BEND7: variants seen among roughly 807,000 people sequenced by gnomAD.
BEND7 encodes BEN domain containing 7.
BEND7 carries 28 observed loss-of-function variants against 50.9 expected under a neutral mutation model. The ratio of observed to expected loss-of-function variants is 0.55; its 90% CI spans 0.41 to 0.75. The LOEUF is 0.75. Ranked by LOEUF, BEND7 falls within the 30% of genes least tolerant of loss-of-function variation. The probability of loss-of-function intolerance (pLI) is 0.00; values close to 1 mark genes in which losing one functional copy is unlikely to be tolerated. For missense variants in BEND7, 477 were observed against 491.3 expected, an observed-to-expected ratio of 0.97 and a Z score of 0.28; for synonymous variants, 170 against 183.9, an observed-to-expected ratio of 0.92 and a Z score of 0.61.
intron 4 of BEND7, among the ~76,000 whole-genome samples, chr10:13,495,057 A>T (rs1564362204): frequency 6.6e-6 from 1 of 152,344 alleles, no homozygotes; most frequent in Middle Eastern, 3.4e-3. Flanking sequence ...ATAGATTCTA[A>T]AAAGGCTTCC....
intron 4 of BEND7, among the ~76,000 whole-genome samples, chr10:13,493,782 G>T (rs2076841457): frequency 6.6e-6 from 1 of 152,126 alleles, no homozygotes; most frequent in African/African-American, 2.4e-5. Flanking sequence ...GGAAAACATG[G>T]CATCATTGTT....
chr10:13,475,302 T>C (rs4750368), intron 6 of BEND7, among the ~76,000 whole-genome samples: 101,666 of 152,170 alleles, frequency 0.67, 34,326 homozygotes, highest in East Asian at 0.87. Context: ...AAAATATGAA[T>C]AGGTAAATTA....
chr10:13,522,261 C>T (rs1245757457), intron 2 of BEND7, among the ~76,000 whole-genome samples: 2 of 152,226 alleles, frequency 1.3e-5, no homozygotes, highest in African/African-American at 4.8e-5. Flanking sequence ...TGCATTACTG[C>T]TATGAATAAT....
chr10:13,515,057 T>C (rs1201637237), intron 2 of BEND7, among the ~76,000 whole-genome samples: 4 of 152,242 alleles, frequency 2.6e-5, no homozygotes, highest in East Asian at 1.9e-4. Flanking sequence ...GAGTAACTTA[T>C]GTAGCGTTCC....
chr10:13,502,927 T>C, intron 2 of BEND7: 1 of 985,388 alleles, frequency 1.0e-6, no homozygotes, highest in Non-Finnish European at 1.2e-6. Context: ...AGAAGGGATG[T>C]GTCTCCTGCC....
intron 6 of BEND7, chr10:13,459,618 T>C (rs1186130997): frequency 1.3e-5 from 2 of 152,236 alleles, no homozygotes; most frequent in Non-Finnish European, 2.9e-5. Flanking sequence ...AGTCTTGGAA[T>C]GGGTTCTCAG....
At chr10:13,451,450 G>A (rs1157130824) in intron 7 of BEND7, among the ~76,000 whole-genome samples, 1 of 150,920 alleles carries the variant, frequency 6.6e-6, no homozygotes, top group African/African-American at 2.4e-5. Context: ...TGTTGCCCAG[G>A]CTGGTCTCGA....
At chr10:13,525,687 A>G (rs2079413130) in intron 2 of BEND7, among the ~76,000 whole-genome samples, 2 of 152,222 alleles carry the variant, frequency 1.3e-5, no homozygotes, top group South Asian at 2.1e-4. Context: ...AAGGGACATT[A>G]TAAGACAGCA....
intron 4 of BEND7, among the ~76,000 whole-genome samples, chr10:13,494,415 CAAAACA>C (rs1009345500): frequency 2.0e-5 from 3 of 152,104 alleles, no homozygotes; most frequent in Non-Finnish European, 4.4e-5. Context: ...GACTATGTCT[CAAAACA>C]AAAACAAAAA....
In BEND7 at chr10:13,447,896, G is replaced by A. The variant is rs184537737; in HGVS notation, c.1184-580C>T. 1.2e-3 allele frequency among the ~76,000 whole-genome samples: 189 copies of A among 152,264 alleles called. 1 individual carries two copies. The highest frequency in any genetic ancestry group is 1.9e-3 in the Non-Finnish European group (131 of 68,028). On this transcript the variant is annotated intron_variant, in intron 7 of 8. Transcript: ENST00000466271. ...ATCGAACCAGCATGTGGGGTGAATT[G>A]TTTAAATAGGGTCATCGCGGGGATG... is the stretch of plus-strand genomic sequence containing the variant.
rs75437283 is a variant in BEND7, at chr10:13,478,048, G to A, written c.1063+2851C>T. ...CAGGAAAGAAAAGTGAGATCTAGAA[G>A]CATATATACCCTCTTTATAGGGGAG... On this transcript the variant is annotated intron_variant, in intron 6 of 8. Coordinates refer to ENST00000466271, the MANE Select transcript of BEND7 (RefSeq NM_001369863.1). 2.9e-3 allele frequency among the ~76,000 whole-genome samples: 438 copies of A among 152,304 alleles called. 1 individual carries two copies. The highest frequency in any genetic ancestry group is 5.0e-3 in the Non-Finnish European group (342 of 68,030).
At chr10:13,493,366 C>A (rs574496974) in intron 4 of BEND7, among the ~76,000 whole-genome samples, 1 of 152,194 alleles carries the variant, frequency 6.6e-6, no homozygotes, top group African/African-American at 2.4e-5. Flanking sequence ...TTGCGCAAGA[C>A]TGATCAAAAG....
chr10:13,518,037 T>C (rs1161566861), intron 2 of BEND7, among the ~76,000 whole-genome samples: 10 of 152,262 alleles, frequency 6.6e-5, no homozygotes, highest in Admixed American at 5.9e-4. Context: ...GATGGCCATA[T>C]GATTTTCCTC....
intron 6 of BEND7, among the ~76,000 whole-genome samples, chr10:13,465,777 G>A (rs1245680862): frequency 2.0e-5 from 3 of 152,072 alleles, no homozygotes; most frequent in Non-Finnish European, 4.4e-5. Context: ...ACGTCCCACA[G>A]TGCTCCCTTT....
In BEND7 at chr10:13,499,869, C is replaced by T; in HGVS notation, c.357G>A (p.Glu119=). The part of the protein sequence containing the change: ...LHPSSRGVWN[E]LPPQSGQFSG... Reference sequence around the variant, plus strand: ...AGAACTGTCCACTCTGGGGCGGTAGCTCATTCCACACACCACGTGAAGACG... The same window carrying T: ...AGAACTGTCCACTCTGGGGCGGTAGTTCATTCCACACACCACGTGAAGACG... The change falls in exon 3 of 9, where the codon GAG becomes GAA. Residue 119 remains glutamate, a synonymous_variant. Coordinates refer to ENST00000466271, the MANE Select transcript of BEND7 (RefSeq NM_001369863.1). The T allele has an allele frequency of 1.9e-6, 3 of 1,614,190 alleles. No individual in the cohort carries two copies. The highest frequency in any genetic ancestry group is 2.5e-6 in the Non-Finnish European group (3 of 1,180,030).
At chr10:13,464,540 C>A (rs938030713) in intron 6 of BEND7, among the ~76,000 whole-genome samples, 1 of 151,756 alleles carries the variant, frequency 6.6e-6, no homozygotes, top group Non-Finnish European at 1.5e-5. Context: ...TACTCTGGGG[C>A]GGGGAAGAGA....
At chr10:13,490,701 C>A (rs1216912394) in intron 5 of BEND7, among the ~76,000 whole-genome samples, 2 of 152,238 alleles carry the variant, frequency 1.3e-5, no homozygotes, top group African/African-American at 4.8e-5. Context: ...GAAGGCCTCA[C>A]CTGGACTTTC....
intron 1 of BEND7, among the ~76,000 whole-genome samples, chr10:13,526,840 GAGA>G (rs1457141911): frequency 6.6e-6 from 1 of 152,152 alleles, no homozygotes; most frequent in Non-Finnish European, 1.5e-5. Context: ...TGCAGAGAAA[GAGA>G]AGAATCAGAC....
chr10:13,466,577 G>A (rs945783675), intron 6 of BEND7, among the ~76,000 whole-genome samples: 1 of 151,800 alleles, frequency 6.6e-6, no homozygotes, highest in Non-Finnish European at 1.5e-5. Context: ...AAAAATTATG[G>A]ATTTATAGAA....
Sources: gnomAD v4.1 joint callset for allele counts (sites outside exome capture counted in the v4.1 genomes callset) on GRCh38, gnomAD v4.1.1 for gene constraint, MANE v1.5 for transcripts, NCBI Gene and HGNC (gene_info 2026-07-23, HGNC 2026-07-21) for gene names.